The following KIAA0753 variants were observed in gnomAD, a reference collection of about 807,000 sequenced individuals.
The protein encoded by KIAA0753 is protein moonraker.
KIAA0753 carries 114 observed loss-of-function variants against 116.9 expected under a neutral mutation model. The observed-to-expected ratio is 0.98, with a 90% confidence interval of 0.84 to 1.14. The LOEUF is 1.14. Among genes scored for constraint, KIAA0753 ranks in the 50% most tolerant of loss-of-function variants. The pLI is 0.00. For missense variants in KIAA0753, 1,156 were observed against 1,172.4 expected (o/e 0.99, Z 0.20); for synonymous variants, 405 against 413.1 (o/e 0.98, Z 0.24).
At chr17:6,620,097 T>C (rs1971199365) in intron 7 of KIAA0753, among the ~76,000 whole-genome samples, 1 of 152,026 alleles carries the variant, frequency 6.6e-6, no homozygotes, top group Non-Finnish European at 1.5e-5. Flanking sequence ...ATAAAGAATA[T>C]GAACAGGCAA....
rs913008857 is a variant in KIAA0753 at position 6,639,986 on chromosome 17, T to A, written c.-69+651A>T. The A allele has an allele frequency of 6.5e-6, 1 of 152,844 alleles. No individual in the cohort carries two copies. The highest frequency in any genetic ancestry group is 1.5e-5 in the Non-Finnish European group (1 of 68,250). The allele number at this position is 152,844 out of a possible 1,614,324, so 9.5% of individuals were successfully genotyped here. ...TTCACCCACACAGCCCCAGGGTCCC[T>A]TGCAGCCTCGATGGAGCCTGGGGTC... On this transcript the variant is annotated intron_variant, in intron 1 of 18. Coordinates refer to ENST00000361413, the MANE Select transcript of KIAA0753 (RefSeq NM_014804.3). The surrounding 1 kb of genome is among the most constrained non-coding windows in gnomAD (Gnocchi z 4.3).
Position 6,595,068 on chromosome 17 carries a change from A to C in KIAA0753, c.2359-15T>G. ...TCCTGGTATTTCTTTAAAAAAAAAG[A>C]AAAAAGTTTAATTTATGAGAAAAAA... On this transcript the variant is annotated splice_polypyrimidine_tract_variant and intron_variant, in intron 15 of 18. Transcript: ENST00000361413. The C allele has an allele frequency of 6.5e-7, 1 of 1,549,592 alleles. No individual in the cohort carries two copies. Among genetic ancestry groups the C allele is most frequent in the Non-Finnish European group, 8.8e-7 (1 of 1,132,296 alleles).
At chr17:6,617,903 G>A (rs1281971426) in intron 7 of KIAA0753, among the ~76,000 whole-genome samples, 1 of 152,226 alleles carries the variant, frequency 6.6e-6, no homozygotes, top group Non-Finnish European at 1.5e-5. Flanking sequence ...GGGAGTTCAA[G>A]ACCAGCCTGA....
At chr17:6,619,796 T>C (rs1445422217) in intron 7 of KIAA0753, among the ~76,000 whole-genome samples, 2 of 152,232 alleles carry the variant, frequency 1.3e-5, no homozygotes, top group Non-Finnish European at 2.9e-5. Flanking sequence ...TGTCCATACA[T>C]ATTTATAGGT....
chr17:6,596,228 A>G lies in KIAA0753; in HGVS notation c.2288T>C (p.Leu763Ser). 6.2e-7 allele frequency: 1 copy of G among 1,613,892 alleles called. No individual in the cohort carries two copies. Among genetic ancestry groups the G allele is most frequent in the Non-Finnish European group, 8.5e-7 (1 of 1,179,844 alleles). ...THAKILGSET[L>S]ATVEDSKDSP... ...ATCCTTGCTGTCCTCAACGGTGGCT[A>G]AGGTTTCAGACCCCAAGATCTTAGC... The change falls in exon 15 of 19, where the codon TTA (leucine) becomes TCA (serine). Residue 763 changes from leucine to serine, a missense_variant. Coordinates refer to ENST00000361413, the MANE Select transcript of KIAA0753 (RefSeq NM_014804.3).
chr17:6,595,852 G>T (rs1969431707), intron 15 of KIAA0753, among the ~76,000 whole-genome samples: 1 of 152,246 alleles, frequency 6.6e-6, no homozygotes, highest in Non-Finnish European at 1.5e-5. Flanking sequence ...TGTGGGCCCA[G>T]GCCCTGGTCT....
At position 6,589,778 on chromosome 17, in the gene KIAA0753, C is replaced by A; in HGVS notation, c.2786+1G>T. 6.3e-7 allele frequency: 1 copy of A among 1,596,294 alleles called. No homozygotes were observed. The highest frequency in any genetic ancestry group is 8.5e-7 in the Non-Finnish European group (1 of 1,175,002). ...ACAGAGGACCGTAACATTTTACTGA[C>A]CTTTCAGCTATCAGCCACGGGTTGA... On this transcript the variant is annotated splice_donor_variant, in intron 18 of 18. Transcript: ENST00000361413. LOFTEE classifies it high-confidence loss of function.
intron 18 of KIAA0753, among the ~76,000 whole-genome samples, chr17:6,588,163 C>T (rs1362428505): frequency 6.6e-6 from 1 of 152,108 alleles, no homozygotes; most frequent in African/African-American, 2.4e-5. Flanking sequence ...CCCTTCCTCA[C>T]CCCCACAAAA....
chr17:6,638,403 G>A (rs189652104), intron 1 of KIAA0753: 1 of 153,302 alleles, frequency 6.5e-6, no homozygotes, highest in East Asian at 1.9e-4. Flanking sequence ...CCTTTCCAGA[G>A]CCGGGCACAC....
At chr17:6,580,755 G>C (rs914213481) in intron 18 of KIAA0753, among the ~76,000 whole-genome samples, 7 of 152,140 alleles carry the variant, frequency 4.6e-5, no homozygotes, top group African/African-American at 1.7e-4. Context: ...CAATGTGTTT[G>C]AAACCAGAGG....
intron 10 of KIAA0753, 75 bp from the exon 11 acceptor site, chr17:6,607,345 G>C: frequency 1.7e-6 from 2 of 1,197,348 alleles, no homozygotes; most frequent in Non-Finnish European, 2.5e-6. Flanking sequence ...AAACAGACCA[G>C]AAATCAGGAC....
chr17:6,618,663 T>TA (rs1971094103), intron 7 of KIAA0753, among the ~76,000 whole-genome samples: 2 of 152,198 alleles, frequency 1.3e-5, no homozygotes, highest in African/African-American at 4.8e-5. Context: ...CTCTTACAGT[T>TA]ACACTTGTAG....
chr17:6,599,149 T>G, intron 14 of KIAA0753, 88 bp downstream of exon 14: 2 of 918,492 alleles, frequency 2.2e-6, no homozygotes, highest in Non-Finnish European at 3.6e-6. Flanking sequence ...AATCTAGTGT[T>G]TGCAAAGTAA....
chr17:6,638,890 C>G (rs1972494347), intron 1 of KIAA0753: 1 of 153,520 alleles, frequency 6.5e-6, no homozygotes, highest in Non-Finnish European at 1.4e-5. Context: ...CCCCCACAGG[C>G]CTGGGGCACC....
intron 12 of KIAA0753, among the ~76,000 whole-genome samples, chr17:6,605,434 C>T (rs1970132220): frequency 6.6e-6 from 1 of 152,148 alleles, no homozygotes; most frequent in Admixed American, 6.5e-5. Context: ...GGACTCACTC[C>T]CGACCCTGCT....
intron 18 of KIAA0753, among the ~76,000 whole-genome samples, chr17:6,589,064 A>G (rs1008169973): frequency 3.9e-5 from 6 of 152,168 alleles, no homozygotes; most frequent in Non-Finnish European, 8.8e-5. Context: ...AATCAGCTCT[A>G]ACTGACTCCT....
intron 2 of KIAA0753, among the ~76,000 whole-genome samples, chr17:6,630,874 A>G (rs1597602130): frequency 6.6e-6 from 1 of 152,230 alleles, no homozygotes; most frequent in Admixed American, 6.5e-5. Context: ...TAAGAAAAGA[A>G]GACATGAGAA....
At chr17:6,584,041 T>C (rs1968389064) in intron 18 of KIAA0753, among the ~76,000 whole-genome samples, 1 of 152,212 alleles carries the variant, frequency 6.6e-6, no homozygotes, top group South Asian at 2.1e-4. Flanking sequence ...GTGGAGTCCC[T>C]GAGAAGGCCT....
At chr17:6,599,197 A>G (rs760624766) in intron 14 of KIAA0753, 40 bp downstream of exon 14, 5 of 1,376,380 alleles carry the variant, frequency 3.6e-6, no homozygotes, top group Admixed American at 3.4e-5. Flanking sequence ...AGATGTTATC[A>G]AGCAATAATA....
Sources: gnomAD v4.1 joint callset for allele counts (sites outside exome capture counted in the v4.1 genomes callset) on GRCh38, gnomAD v4.1.1 for gene constraint, Gnocchi (gnomAD v3.1) non-coding constraint, MANE v1.5 for transcripts, NCBI Gene and HGNC (gene_info 2026-07-23, HGNC 2026-07-21) for gene names.